Variants in MYO16 observed in about 807,000 individuals in gnomAD.
MYO16 encodes the protein myosin XVI.
A neutral mutation model predicts 205.3 loss-of-function variants in MYO16; 94 were observed. The observed-to-expected ratio is 0.46, with a 90% CI of 0.39 to 0.54. MYO16 has a LOEUF of 0.54. Ranked by LOEUF, MYO16 falls within the 20% of genes least tolerant of loss-of-function variation. MYO16 has a pLI of 0.00. For missense variants in MYO16, 2,315 were observed against 2,387.5 expected (o/e 0.97, Z 0.63); for synonymous variants, 988 against 954.0 (o/e 1.04, Z -0.66).
At chr13:108,999,216 T>C (rs1359937970) in intron 21 of MYO16, among the ~76,000 whole-genome samples, 1 of 152,216 alleles carries the variant, frequency 6.6e-6, no homozygotes, top group East Asian at 1.9e-4. Context: ...TGCTGATCAA[T>C]TGATACACAA....
chr13:108,945,590 TTAAC>T (rs1439756687), intron 16 of MYO16, among the ~76,000 whole-genome samples: 1 of 152,210 alleles, frequency 6.6e-6, no homozygotes, highest in African/African-American at 2.4e-5. Context: ...TTAATTATAA[TTAAC>T]TAGGCATTTT....
chr13:109,123,796 C>G (rs157022), intron 29 of MYO16, among the ~76,000 whole-genome samples: 20,463 of 152,206 alleles, frequency 0.13, 1,465 homozygotes, highest in Middle Eastern at 0.19. Context: ...CTCAAGTAAA[C>G]ACATCAAAGT....
the MYO16 span, among the ~76,000 whole-genome samples, chr13:108,530,101 A>C: frequency 6.6e-6 from 1 of 152,094 alleles, no homozygotes; most frequent in African/African-American, 2.4e-5. Context: ...GTCTCTCTGC[A>C]TTTCCTGCTG....
intron 9 of MYO16, among the ~76,000 whole-genome samples, chr13:108,825,071 C>T (rs1430122787): frequency 6.6e-6 from 1 of 151,864 alleles, no homozygotes; most frequent in South Asian, 2.1e-4. Flanking sequence ...CAGAATTACC[C>T]GGATACAAAA....
At chr13:108,574,053 A>G in the MYO16 span, among the ~76,000 whole-genome samples, 1 of 152,026 alleles carries the variant, frequency 6.6e-6, no homozygotes, top group Non-Finnish European at 1.5e-5. Flanking sequence ...GGGTCTCCCT[A>G]TGTTACCCAG....
chr13:108,506,207 G>A, the MYO16 span, among the ~76,000 whole-genome samples: 1 of 151,958 alleles, frequency 6.6e-6, no homozygotes, highest in African/African-American at 2.4e-5. Context: ...AAATGCCTTT[G>A]GAATTCTAAT....
chr13:109,140,476 G>A lies in MYO16; in HGVS notation c.4264G>A (p.Ala1422Thr). 2 of 1,538,554 alleles carry A rather than the reference G, an allele frequency of 1.3e-6. No individual in the cohort carries two copies. Among genetic ancestry groups the A allele is most frequent in the Non-Finnish European group, 1.7e-6 (2 of 1,151,404 alleles). The change falls in exon 32 of 35, where the codon GCG becomes ACG. Residue 1422 changes from alanine to threonine, a missense_variant. Physicochemically the swap from Ala to Thr is moderately conservative, Grantham distance 58 (BLOSUM62 0). Around this residue, in one of 3 missense-constraint regions of MYO16, gnomAD observed 1,097 missense variants for 1,092.0 expected, o/e 1.00. Coordinates refer to ENST00000457511, the MANE Select transcript of MYO16 (RefSeq NM_001198950.3). The surrounding 1 kb of genome is among the most constrained non-coding windows in gnomAD (Gnocchi z 8.0). ...GTPQCALPPAAPPGDEDDSEP... is the reference protein window; with the variant it reads ...GTPQCALPPATPPGDEDDSEP... ...TCCGCAGTGCGCGCTGCCCCCGGCG[G>A]CGCCTCCGGGTGACGAGGACGACAG...
At position 109,198,851 on chromosome 13, in the gene MYO16, A is replaced by G. The variant is rs7317875; in HGVS notation, c.5416-7758A>G. 4.2e-3 allele frequency among the ~76,000 whole-genome samples: 632 copies of G among 152,266 alleles called. 3 individuals are homozygous for G. The highest frequency in any genetic ancestry group is 0.015 in the African/African-American group (620 of 41,560). The stretch of plus-strand genomic sequence containing the variant: ...TGATGAAGCCAGCGAATGCTTGTTC[A>G]GCATTGCACAAGTAGCTTGCATAGT... On this transcript the variant is annotated intron_variant, in intron 34 of 34. Coordinates refer to ENST00000457511, the MANE Select transcript of MYO16 (RefSeq NM_001198950.3).
the MYO16 span, among the ~76,000 whole-genome samples, chr13:108,548,108 T>C: frequency 6.6e-6 from 1 of 152,214 alleles, no homozygotes; most frequent in Non-Finnish European, 1.5e-5. Flanking sequence ...AATCTTTTGA[T>C]CTACTTAGCT....
At chr13:109,067,690 G>A (rs1435385216) in intron 27 of MYO16, among the ~76,000 whole-genome samples, 3 of 152,060 alleles carry the variant, frequency 2.0e-5, no homozygotes, top group South Asian at 2.1e-4. Context: ...GCCTTTGGTC[G>A]GCTTCCTGAA....
chr13:108,708,183 A>C (rs1312613260), intron 2 of MYO16, among the ~76,000 whole-genome samples: 1 of 152,228 alleles, frequency 6.6e-6, no homozygotes, highest in Non-Finnish European at 1.5e-5. Context: ...GGAAATCTGT[A>C]TTTCAGCAGC....
chr13:108,651,522 A>AT (rs1248165075), intron 1 of MYO16, among the ~76,000 whole-genome samples: 1 of 152,244 alleles, frequency 6.6e-6, no homozygotes, highest in African/African-American at 2.4e-5. Flanking sequence ...TATACCTTAC[A>AT]TTATACAGTA....
upstream of MYO16, among the ~76,000 whole-genome samples, chr13:108,624,719 A>T (rs1879666032): frequency 6.6e-6 from 1 of 152,070 alleles, no homozygotes; most frequent in African/African-American, 2.4e-5. Context: ...TAGGGAAAAA[A>T]ATCACCAAAG....
At chr13:109,178,642 C>T (rs984473520) in intron 33 of MYO16, among the ~76,000 whole-genome samples, 1 of 152,088 alleles carries the variant, frequency 6.6e-6, no homozygotes, top group Non-Finnish European at 1.5e-5. Flanking sequence ...AAGTCACTTG[C>T]GGTGATGCAT....
At chr13:108,921,331 C>T (rs931897946) in intron 16 of MYO16, among the ~76,000 whole-genome samples, 1 of 152,176 alleles carries the variant, frequency 6.6e-6, no homozygotes, top group Non-Finnish European at 1.5e-5. Flanking sequence ...GGATCATGGT[C>T]CATGTCCCAG....
chr13:108,731,394 G>A (rs1022973291), intron 4 of MYO16, among the ~76,000 whole-genome samples: 13 of 152,122 alleles, frequency 8.5e-5, no homozygotes, highest in African/African-American at 2.4e-4. Flanking sequence ...AAAAGCTGCC[G>A]TATAACCACA....
At chr13:109,051,625 T>C (rs941985934) in intron 24 of MYO16, among the ~76,000 whole-genome samples, 5 of 152,198 alleles carry the variant, frequency 3.3e-5, no homozygotes, top group Non-Finnish European at 7.3e-5. Context: ...TCCACTCAAC[T>C]GAGCTCTAAT....
intron 4 of MYO16, among the ~76,000 whole-genome samples, chr13:108,748,510 ATAAAC>A (rs1283179983): frequency 2.6e-5 from 4 of 152,224 alleles, no homozygotes; most frequent in African/African-American, 9.6e-5. Context: ...TGGAGCATAA[ATAAAC>A]TAAAAATAGG....
the MYO16 span, among the ~76,000 whole-genome samples, chr13:108,495,795 C>G: frequency 6.6e-6 from 1 of 151,396 alleles, no homozygotes; most frequent in East Asian, 1.9e-4. Flanking sequence ...CTGCGCGCAA[C>G]CGCGCCGGCC....
Sources: gnomAD v4.1 joint callset for allele counts (sites outside exome capture counted in the v4.1 genomes callset) on GRCh38, gnomAD v4.1.1 for gene constraint, gnomAD v4.1.1 regional missense constraint, Gnocchi (gnomAD v3.1) non-coding constraint, MANE v1.5 for transcripts, NCBI Gene and HGNC (gene_info 2026-07-23, HGNC 2026-07-21) for gene names.